PAX1: variants seen among roughly 807,000 people sequenced by gnomAD.
PAX1 encodes paired box protein Pax-1.
A neutral mutation model predicts 35.6 loss-of-function variants in PAX1; 18 were observed. That is an observed-to-expected ratio of 0.50 (90% confidence interval 0.35 to 0.75). The LOEUF (loss-of-function observed/expected upper bound fraction) is 0.75, where lower values mean the gene tolerates loss of function less well. PAX1 is among the 30% of genes least tolerant of loss of function. The pLI is 0.01. For synonymous variants in PAX1, 397 were observed against 305.2 expected, an observed-to-expected ratio of 1.30 and a Z score of -3.14; for missense variants, 760 against 661.5, an observed-to-expected ratio of 1.15 and a Z score of -1.63.
rs577802789 is a variant in PAX1 at position 21,717,701 on chromosome 20, G to T, written c.*3139G>T. The T allele has an allele frequency of 1.4e-4, 21 of 151,988 alleles. No individual in the cohort carries two copies. Among genetic ancestry groups the T allele is most frequent in the Non-Finnish European group, 2.6e-4 (18 of 67,960 alleles). The allele number at this position is 151,988 out of a possible 1,614,324, so 9.4% of individuals were successfully genotyped here. ...TTTCATTTTTTTAATTTAAGAATAA[G>T]TTTTTTTTAGAAAAATATAGAGATG... On this transcript the variant is annotated 3_prime_UTR_variant, in exon 5 of 5. Coordinates refer to ENST00000613128, the MANE Select transcript of PAX1 (RefSeq NM_001257096.2).
At position 21,717,813 on chromosome 20, in the gene PAX1, C is replaced by T. The variant is rs1444673812; in HGVS notation, c.*3251C>T. On this transcript the variant is annotated 3_prime_UTR_variant, in exon 5 of 5. Coordinates refer to ENST00000613128, the MANE Select transcript of PAX1 (RefSeq NM_001257096.2). ...AATATATGCGTATCACTAAAAAACT[C>T]AAGCAGTACAGAAACATTAAAATGA... 1 of 152,172 alleles carries T rather than the reference C, an allele frequency of 6.6e-6. No homozygotes were observed. Among genetic ancestry groups the T allele is most frequent in the Non-Finnish European group, 1.5e-5 (1 of 68,028 alleles). The allele number at this position is 152,172 out of a possible 1,614,324, so 9.4% of individuals were successfully genotyped here. A position where few individuals can be genotyped will look rare whatever the true frequency, so the allele number is the denominator to read the frequency against.
chr20:21,711,424 G>A (rs1046386355), intron 4 of PAX1, among the ~76,000 whole-genome samples: 3 of 152,204 alleles, frequency 2.0e-5, no homozygotes, highest in African/African-American at 7.2e-5. Flanking sequence ...AGCCTCACTG[G>A]TGATTGATTT....
At chr20:21,712,985 CTTG>C (rs753050076) in intron 4 of PAX1, among the ~76,000 whole-genome samples, 3 of 152,220 alleles carry the variant, frequency 2.0e-5, no homozygotes, top group East Asian at 1.9e-4. Context: ...AGTACCCACC[CTTG>C]TTGTCCTATG....
chr20:21,713,373 C>CTT (rs113207408), intron 4 of PAX1, among the ~76,000 whole-genome samples: 4,484 of 124,062 alleles, frequency 0.036, 84 homozygotes, highest in Non-Finnish European at 0.044. Flanking sequence ...CGTGTGTTTT[C>CTT]TTTTTTTTTT....
chr20:21,716,351 C>T lies in PAX1; in HGVS notation c.*1789C>T, dbSNP rs535221486. 57 of 152,128 alleles carry T rather than the reference C, an allele frequency of 3.7e-4. No homozygotes were observed. The highest frequency in any genetic ancestry group is 1.3e-3 in the African/African-American group (52 of 41,482). 9.4% of individuals were successfully genotyped at this position (152,128 alleles called of 1,614,324 possible). On this transcript the variant is annotated 3_prime_UTR_variant, in exon 5 of 5. Transcript: ENST00000613128. ...AGTTGCTGTTTGTGAGTGGAGCTGCCTGCTTGGTGTGTGCACTGGTCCCAC... is the reference window on the plus strand; with the variant it reads ...AGTTGCTGTTTGTGAGTGGAGCTGCTTGCTTGGTGTGTGCACTGGTCCCAC...
In PAX1 at chr20:21,706,735, A is replaced by G; in HGVS notation, c.584A>G (p.Glu195Gly). ...GGAGACCCTGGCATCTTTGCCTGGG[A>G]GATCCGCGACCGGCTGCTGGCCGAC... ...KQGDPGIFAW[E>G]IRDRLLADGV... The change falls in exon 2 of 5, where the codon GAG becomes GGG. Residue 195 changes from glutamate (E) to glycine (G), a missense_variant. Around this residue, in one of 3 missense-constraint regions of PAX1, gnomAD observed 490 missense variants for 428.4 expected, o/e 1.14. Transcript: ENST00000613128. This position sits in a 1 kb window ranked among gnomAD's most constrained non-coding sequence, Gnocchi z 5.3. 1 of 1,613,702 alleles carries G rather than the reference A, an allele frequency of 6.2e-7. No individual in the cohort carries two copies. Among genetic ancestry groups the G allele is most frequent in the Non-Finnish European group, 8.5e-7 (1 of 1,180,042 alleles).
intron 4 of PAX1, among the ~76,000 whole-genome samples, chr20:21,710,266 A>G (rs921529767): frequency 2.0e-5 from 3 of 152,106 alleles, no homozygotes; most frequent in African/African-American, 7.2e-5. Flanking sequence ...CACAACCAGG[A>G]GGGTTCCAGT....
In PAX1 at chr20:21,716,205, A is replaced by G. The variant is rs1244772027; in HGVS notation, c.*1643A>G. 1 of 152,262 alleles carries G rather than the reference A, an allele frequency of 6.6e-6. No individual in the cohort carries two copies. 9.4% of individuals were successfully genotyped at this position (152,262 alleles called of 1,614,324 possible). ...TCTAGTATTCTAAAAGCTAAAGAAG[A>G]CAATCCCAGGCTACCAAGTAATCTA... is the stretch of plus-strand genomic sequence containing the variant. On this transcript the variant is annotated 3_prime_UTR_variant, in exon 5 of 5. Coordinates refer to ENST00000613128, the MANE Select transcript of PAX1 (RefSeq NM_001257096.2).
At chr20:21,712,944 T>C (rs968826437) in intron 4 of PAX1, among the ~76,000 whole-genome samples, 4 of 152,134 alleles carry the variant, frequency 2.6e-5, no homozygotes, top group Non-Finnish European at 5.9e-5. Flanking sequence ...TAAATGAGCC[T>C]GACCTAGGCC....
chr20:21,710,622 G>GT (rs1233839175), intron 4 of PAX1, among the ~76,000 whole-genome samples: 1 of 149,976 alleles, frequency 6.7e-6, no homozygotes, highest in African/African-American at 2.5e-5. Flanking sequence ...ATCCTCCTTG[G>GT]TGCTGCCCAG....
chr20:21,709,398 C>T lies in PAX1; in HGVS notation c.1236C>T (p.Gly412=). Residue 412 remains glycine (G), a synonymous_variant, in exon 4 of 5, where the codon GGC becomes GGT. Coordinates refer to ENST00000613128, the MANE Select transcript of PAX1 (RefSeq NM_001257096.2). ...CCGGGGCCGGCGTAGCTGTGCATGG[C>T]GGGGAACTCGCGGCAGCAATGACCT... ...APPGAGVAVH[G]GELAAAMTFK... 1 of 1,549,832 alleles carries T rather than the reference C, an allele frequency of 6.5e-7. No homozygotes were observed. The highest frequency in any genetic ancestry group is 8.7e-7 in the Non-Finnish European group (1 of 1,152,190).
chr20:21,710,540 C>T (rs1985166911), intron 4 of PAX1, among the ~76,000 whole-genome samples: 1 of 152,192 alleles, frequency 6.6e-6, no homozygotes, highest in African/African-American at 2.4e-5. Context: ...GCTTTGCCTC[C>T]ACCTGTCCAG....
In PAX1 at chr20:21,714,996, T is replaced by G; in HGVS notation, c.*434T>G. The G allele has an allele frequency of 1.5e-6, 1 of 653,472 alleles. No individual in the cohort carries two copies. The highest frequency in any genetic ancestry group is 2.7e-6 in the Non-Finnish European group (1 of 365,754). The allele number at this position is 653,472 out of a possible 1,614,324, so 40.5% of individuals were successfully genotyped here. Reference sequence around the variant, plus strand: ...TCCTCCCTACCTTCCACCCCGGCTTTCCCCGACCTTCCAGGGCTCCCTCTG... The same window carrying G: ...TCCTCCCTACCTTCCACCCCGGCTTGCCCCGACCTTCCAGGGCTCCCTCTG... On this transcript the variant is annotated 3_prime_UTR_variant, in exon 5 of 5. Coordinates refer to ENST00000613128, the MANE Select transcript of PAX1 (RefSeq NM_001257096.2).
chr20:21,705,972 G>A lies in PAX1; in HGVS notation c.260G>A (p.Arg87Lys). 6.7e-7 allele frequency: 1 copy of A among 1,487,004 alleles called. No homozygotes were observed. Among genetic ancestry groups the A allele is most frequent in the Non-Finnish European group, 8.9e-7 (1 of 1,127,300 alleles). 92.1% of individuals were successfully genotyped at this position (1,487,004 alleles called of 1,614,324 possible). A position where few individuals can be genotyped will look rare whatever the true frequency, so the allele number is the denominator to read the frequency against. The change falls in exon 1 of 5, where the codon AGG becomes AAG. Residue 87 changes from arginine (R) to lysine (K), a missense_variant. Arg to Lys is a conservative substitution (Grantham distance 26, BLOSUM62 2). Transcript: ENST00000613128. ...GGCCACCCCGGCCACCCCGGCGCCA[G>A]GCAGCTGGCCGGCCCGCTCGCTATG... is the stretch of plus-strand genomic sequence containing the variant. ...SPGHPGHPGA[R>K]QLAGPLAMEQ...
chr20:21,708,372 C>T (rs949954117), intron 2 of PAX1, 186 bp from the exon 3 acceptor site: 1 of 771,404 alleles, frequency 1.3e-6, no homozygotes, highest in African/African-American at 1.7e-5. Flanking sequence ...GCCTGGCTGC[C>T]TTTCCTCCGC....
intron 3 of PAX1, 41 bp from the exon 4 acceptor site, chr20:21,709,181 C>A: frequency 6.8e-7 from 1 of 1,470,056 alleles, no homozygotes; most frequent in Non-Finnish European, 9.4e-7. Context: ...CTAGAGAAGG[C>A]AGGATTTTCT....
Position 21,709,328 on chromosome 20 carries a change from C to CG in PAX1, c.1169dup (p.Pro392AlafsTer39). 6.3e-7 allele frequency: 1 copy of CG among 1,595,544 alleles called. No individual in the cohort carries two copies. The highest frequency in any genetic ancestry group is 8.5e-7 in the Non-Finnish European group (1 of 1,176,184). On this transcript the variant is annotated frameshift_variant, in exon 4 of 5. Transcript: ENST00000613128. LOFTEE classifies it high-confidence loss of function. ...GCCCCGGGCGGCGGCTACCTCGCCCCGGGCCCGCCGTGGCCGCCTGCGCAA... is the reference window on the plus strand; with the variant it reads ...GCCCCGGGCGGCGGCTACCTCGCCCCGGGGCCCGCCGTGGCCGCCTGCGCAA...
rs1008454406 is a variant in PAX1 at position 21,717,509 on chromosome 20, C to G, written c.*2947C>G. The G allele has an allele frequency of 3.3e-5, 5 of 152,028 alleles. No individual in the cohort carries two copies. The highest frequency in any genetic ancestry group is 1.5e-5 in the Non-Finnish European group (1 of 68,012). The allele number at this position is 152,028 out of a possible 1,614,324, so 9.4% of individuals were successfully genotyped here. A position where few individuals can be genotyped will look rare whatever the true frequency, so the allele number is the denominator to read the frequency against. ...ATCACTTGTAAGGTTGGTGGGAGAC[C>G]CAGAATTTAAATATTTTCCAAAAGA... On this transcript the variant is annotated 3_prime_UTR_variant, in exon 5 of 5. Transcript: ENST00000613128.
chr20:21,708,232 C>T (rs922857800), intron 2 of PAX1: 1 of 499,430 alleles, frequency 2.0e-6, no homozygotes. Context: ...TAGCTTTGAA[C>T]TCGGAAGTTT....
Sources: gnomAD v4.1 joint callset for allele counts (sites outside exome capture counted in the v4.1 genomes callset) on GRCh38, gnomAD v4.1.1 for gene constraint, gnomAD v4.1.1 regional missense constraint, Gnocchi (gnomAD v3.1) non-coding constraint, MANE v1.5 for transcripts, NCBI Gene and HGNC (gene_info 2026-07-23, HGNC 2026-07-21) for gene names.